NLGN1: variants seen among roughly 807,000 people sequenced by gnomAD.
NLGN1 encodes the protein neuroligin 1, also known as neuroligin-1.
Under a neutral mutation model 65.5 loss-of-function variants are expected in NLGN1, and 12 were observed. The observed-to-expected ratio is 0.18, with a 90% CI of 0.12 to 0.30. The LOEUF is 0.30. NLGN1 is among the 10% of genes least tolerant of loss of function. NLGN1 has a pLI of 1.00. For synonymous variants in NLGN1, 350 were observed against 359.5 expected, an observed-to-expected ratio of 0.97 and a Z score of 0.30; for missense variants, 750 against 1,007.1, an observed-to-expected ratio of 0.74 and a Z score of 3.46.
intron 2 of NLGN1, chr3:173,584,754 G>GTTT (rs1747047487): frequency 6.9e-6 from 1 of 144,430 alleles, no homozygotes. Flanking sequence ...CAATCGACAC[G>GTTT]TTTTAGAAGT....
At chr3:173,694,256 A>C (rs895219762) in intron 3 of NLGN1, among the ~76,000 whole-genome samples, 1 of 152,126 alleles carries the variant, frequency 6.6e-6, no homozygotes, top group Non-Finnish European at 1.5e-5. Context: ...TCAGTGATGC[A>C]CTCTGAGCAG....
intron 4 of NLGN1, among the ~76,000 whole-genome samples, chr3:174,066,562 C>G (rs867930278): frequency 0.18 from 22,940 of 127,630 alleles, 2,400 homozygotes; most frequent in African/African-American, 0.28. Context: ...CTCTCTCTCT[C>G]TCTGTGTGTG....
intron 2 of NLGN1, among the ~76,000 whole-genome samples, chr3:173,450,941 G>T (rs1049038254): frequency 6.6e-6 from 1 of 152,066 alleles, no homozygotes; most frequent in Non-Finnish European, 1.5e-5. Context: ...CTCTGCATTG[G>T]TTATTCTAGT....
intron 4 of NLGN1, among the ~76,000 whole-genome samples, chr3:174,052,325 T>A (rs1011408745): frequency 2.6e-5 from 4 of 152,044 alleles, no homozygotes; most frequent in African/African-American, 7.2e-5. Context: ...CTACTTTTTT[T>A]ATAAGAATAT....
At chr3:174,216,129 TA>T (rs1266590337) in intron 4 of NLGN1, among the ~76,000 whole-genome samples, 2 of 152,192 alleles carry the variant, frequency 1.3e-5, no homozygotes, top group Non-Finnish European at 2.9e-5. Context: ...TAATAATTCC[TA>T]TTAAATTGTG....
At chr3:174,068,394 T>G (rs1739120909) in intron 4 of NLGN1, among the ~76,000 whole-genome samples, 1 of 152,024 alleles carries the variant, frequency 6.6e-6, no homozygotes, top group South Asian at 2.1e-4. Flanking sequence ...AGCCCCAGAA[T>G]GCTTAGGCAG....
At chr3:173,924,329 A>C (rs894891135) in intron 4 of NLGN1, among the ~76,000 whole-genome samples, 2 of 152,150 alleles carry the variant, frequency 1.3e-5, no homozygotes, top group African/African-American at 4.8e-5. Context: ...AACGTGAAAA[A>C]TGTATTTCAT....
chr3:173,998,387 T>C (rs1722675858), intron 4 of NLGN1, among the ~76,000 whole-genome samples: 1 of 152,190 alleles, frequency 6.6e-6, no homozygotes, highest in South Asian at 2.1e-4. Context: ...TTTCTTTGAG[T>C]GTTTAAGTAG....
At position 174,154,993 on chromosome 3, in the gene NLGN1, T is replaced by TATATTATTATAA. The variant is rs1725143513; in HGVS notation, c.647-120318_647-120317insTATTATAAATAT. The stretch of plus-strand genomic sequence containing the variant: ...ATATATAATATATTATATTATATAT[T>TATATTATTATAA]ATATATATTTATATATTGATATAAA... On this transcript the variant is annotated intron_variant, in intron 4 of 6. Transcript: ENST00000457714. Among the ~76,000 whole-genome samples the TATATTATTATAA allele has an allele frequency of 4.1e-5, 5 of 122,464 alleles. No individual in the cohort carries two copies. The East Asian group carries it at 7.6e-4, about 19-fold the overall frequency. 80.3% of individuals were successfully genotyped at this position (122,464 alleles called of 152,430 possible).
chr3:174,275,152 A>ATTCT (rs1247961918), intron 4 of NLGN1, among the ~76,000 whole-genome samples, 163 bp from the exon 5 acceptor site: 1 of 151,846 alleles, frequency 6.6e-6, no homozygotes, highest in Non-Finnish European at 1.5e-5. Flanking sequence ...ACTACTAACT[A>ATTCT]TTCTTGCTAA....
chr3:173,873,595 TTTA>T (rs1253259143), intron 4 of NLGN1, among the ~76,000 whole-genome samples: 14 of 152,160 alleles, frequency 9.2e-5, no homozygotes, highest in East Asian at 5.8e-4. Context: ...TCAATGTGGA[TTTA>T]TTATTATTTT....
At chr3:174,015,434 A>G (rs1726359565) in intron 4 of NLGN1, among the ~76,000 whole-genome samples, 1 of 152,082 alleles carries the variant, frequency 6.6e-6, no homozygotes, top group Non-Finnish European at 1.5e-5. Context: ...TTAGATAGAG[A>G]AATCAAGCTC....
chr3:174,204,851 T>G (rs74783160), intron 4 of NLGN1, among the ~76,000 whole-genome samples: 7 of 9,740 alleles, frequency 7.2e-4, no homozygotes, highest in Middle Eastern at 0.091. Flanking sequence ...TCAAACAGGT[T>G]TTTTTTTTAG....
At chr3:173,855,028 C>T (rs1578807420) in intron 4 of NLGN1, among the ~76,000 whole-genome samples, 1 of 152,124 alleles carries the variant, frequency 6.6e-6, no homozygotes, top group South Asian at 2.1e-4. Flanking sequence ...TATTAATGTA[C>T]CATGCCACAT....
At chr3:174,166,167 T>G (rs1408105805) in intron 4 of NLGN1, among the ~76,000 whole-genome samples, 1 of 151,998 alleles carries the variant, frequency 6.6e-6, no homozygotes, top group Non-Finnish European at 1.5e-5. Flanking sequence ...CTGATATTTG[T>G]GCAGATTTTG....
chr3:173,848,547 A>G (rs1003211441), intron 4 of NLGN1, among the ~76,000 whole-genome samples: 2 of 152,188 alleles, frequency 1.3e-5, no homozygotes, highest in East Asian at 3.9e-4. Context: ...CATCTTTCTG[A>G]ATGCTAAATT....
intron 2 of NLGN1, among the ~76,000 whole-genome samples, chr3:173,448,152 G>A (rs1336344992): frequency 6.6e-6 from 1 of 152,082 alleles, no homozygotes; most frequent in East Asian, 1.9e-4. Context: ...TTTTCAAAGG[G>A]AATGCTTCCA....
At chr3:173,670,350 T>C (rs1046302815) in intron 3 of NLGN1, among the ~76,000 whole-genome samples, 12 of 152,292 alleles carry the variant, frequency 7.9e-5, no homozygotes, top group South Asian at 6.2e-4. Flanking sequence ...TTTTAACTTA[T>C]AGTAAGGACA....
chr3:173,430,547 G>T (rs1716987315), intron 1 of NLGN1, among the ~76,000 whole-genome samples: 1 of 152,186 alleles, frequency 6.6e-6, no homozygotes, highest in South Asian at 2.1e-4. Context: ...GATTAAGGTG[G>T]TATCTGCCAG....
Sources: allele counts gnomAD v4.1 joint callset (sites outside exome capture counted in the v4.1 genomes callset), GRCh38; gene constraint gnomAD v4.1.1; transcripts MANE v1.5; gene names NCBI Gene and HGNC (gene_info 2026-07-23, HGNC 2026-07-21).